Variants in C10orf67 observed in about 807,000 individuals in gnomAD.
C10orf67 encodes uncharacterized protein C10orf67, mitochondrial.
C10orf67 carries 60 observed loss-of-function variants against 35.6 expected under a neutral mutation model. The ratio of observed to expected loss-of-function variants is 1.68; its 90% CI spans 1.37 to 2.09. The LOEUF is 2.09. Ranked by LOEUF, C10orf67 falls within the 30% of genes most tolerant of loss-of-function variation. The pLI, the probability that C10orf67 is intolerant of heterozygous loss-of-function variation, is 0.00. For missense variants in C10orf67, 474 were observed against 330.2 expected (o/e 1.44, Z -3.38); for synonymous variants, 167 against 115.8 (o/e 1.44, Z -2.84).
At chr10:23,211,138 A>G (rs973041025) in intron 15 of C10orf67, among the ~76,000 whole-genome samples, 1 of 152,072 alleles carries the variant, frequency 6.6e-6, no homozygotes, top group Non-Finnish European at 1.5e-5. Context: ...AAGGTGTCTG[A>G]AATTTGTAGG....
At chr10:23,271,870 T>C (rs1436898693) in intron 8 of C10orf67, among the ~76,000 whole-genome samples, 1 of 152,228 alleles carries the variant, frequency 6.6e-6, no homozygotes, top group Non-Finnish European at 1.5e-5. Flanking sequence ...CTGTGGTTTG[T>C]TTTTTCATTA....
intron 8 of C10orf67, among the ~76,000 whole-genome samples, chr10:23,269,734 T>C (rs1324936189): frequency 6.6e-6 from 1 of 151,684 alleles, no homozygotes; most frequent in African/African-American, 2.4e-5. Flanking sequence ...CTGGAGAAAA[T>C]GCATTTATAT....
chr10:23,317,357 C>G (rs1380596595), intron 4 of C10orf67: 2 of 152,278 alleles, frequency 1.3e-5, no homozygotes, highest in African/African-American at 4.8e-5. Flanking sequence ...GCTTCCTAGG[C>G]CCCCAAGAGC....
rs1844990473 is a variant in C10orf67 at position 23,322,382 on chromosome 10, G to A, written c.471+12C>T. 2 of 1,605,910 alleles carry A rather than the reference G, an allele frequency of 1.2e-6. No individual in the cohort carries two copies. The highest frequency in any genetic ancestry group is 1.7e-6 in the Non-Finnish European group (2 of 1,174,092). On this transcript the variant is annotated intron_variant, in intron 3 of 15. Coordinates refer to ENST00000636213, the MANE Select transcript of C10orf67 (RefSeq NM_001371909.1). ...AATCCACATAAAACAAAAGAAATAA[G>A]AGAACATTTACCTGTTGATAATGCT...
Position 23,236,024 on chromosome 10 carries a change from G to A in C10orf67, c.1434+3705C>T, listed in dbSNP as rs193154219. On this transcript the variant is annotated intron_variant, in intron 13 of 15. Transcript: ENST00000636213. ...AGCACTTTGGGAGGCCGAGGCGGGC[G>A]GATCACAAGGTCAGGAGATCGAGAC... Among the ~76,000 whole-genome samples the A allele has an allele frequency of 7.9e-5, 12 of 151,928 alleles. No individual in the cohort carries two copies. In the South Asian group the frequency reaches 8.3e-4, roughly 11 times the overall value.
intron 2 of C10orf67, among the ~76,000 whole-genome samples, chr10:23,328,905 AG>A (rs1273295674): frequency 6.8e-6 from 1 of 148,086 alleles, no homozygotes; most frequent in East Asian, 2.1e-4. Context: ...GGATCACTTG[AG>A]CCCAGGAGGT....
At chr10:23,256,779 G>A (rs1172333938) in intron 10 of C10orf67, among the ~76,000 whole-genome samples, 3 of 152,212 alleles carry the variant, frequency 2.0e-5, no homozygotes, top group Middle Eastern at 6.8e-3. Context: ...CAGACTTGAG[G>A]AGGGGATCAG....
At chr10:23,270,523 A>T (rs942372923) in intron 8 of C10orf67, among the ~76,000 whole-genome samples, 1 of 152,216 alleles carries the variant, frequency 6.6e-6, no homozygotes, top group African/African-American at 2.4e-5. Context: ...GCAAGGTGGC[A>T]GATCTGTCTG....
chr10:23,326,078 A>G (rs1845182240), intron 2 of C10orf67, among the ~76,000 whole-genome samples: 1 of 152,156 alleles, frequency 6.6e-6, no homozygotes, highest in Non-Finnish European at 1.5e-5. Context: ...TCTAACATAC[A>G]AGTAATTGGA....
At chr10:23,277,110 G>A (rs1357380900) in intron 8 of C10orf67, among the ~76,000 whole-genome samples, 1 of 152,138 alleles carries the variant, frequency 6.6e-6, no homozygotes, top group Non-Finnish European at 1.5e-5. Flanking sequence ...ATAATACTAA[G>A]AGATCTGTAA....
intron 4 of C10orf67, chr10:23,318,500 C>G (rs534678963): frequency 1.7e-5 from 3 of 175,208 alleles, no homozygotes; most frequent in Non-Finnish European, 3.6e-5. Flanking sequence ...ACTTAAAAGT[C>G]ACGCAGCTTC....
At chr10:23,314,522 A>G (rs960552843) in intron 4 of C10orf67, among the ~76,000 whole-genome samples, 2 of 151,258 alleles carry the variant, frequency 1.3e-5, no homozygotes, top group Non-Finnish European at 2.9e-5. Context: ...ACACACACAC[A>G]CACACAAACT....
At chr10:23,272,127 C>T (rs568623464) in intron 8 of C10orf67, among the ~76,000 whole-genome samples, 3 of 152,302 alleles carry the variant, frequency 2.0e-5, no homozygotes, top group South Asian at 2.1e-4. Context: ...ATGTTGCCCA[C>T]GCTGGTCTTG....
chr10:23,275,740 T>C (rs1039271420), intron 8 of C10orf67, among the ~76,000 whole-genome samples: 1 of 152,204 alleles, frequency 6.6e-6, no homozygotes, highest in African/African-American at 2.4e-5. Context: ...TGTTTGACTT[T>C]TGACCAGGTA....
At chr10:23,261,124 G>A (rs1421243245) in intron 10 of C10orf67, among the ~76,000 whole-genome samples, 1 of 152,088 alleles carries the variant, frequency 6.6e-6, no homozygotes, top group African/African-American at 2.4e-5. Flanking sequence ...GTGCTTCATG[G>A]TATTAGGTGT....
At chr10:23,340,525 ATTC>A (rs1845845812) in intron 1 of C10orf67, among the ~76,000 whole-genome samples, 1 of 152,108 alleles carries the variant, frequency 6.6e-6, no homozygotes, top group South Asian at 2.1e-4. Context: ...GAAATGGCAG[ATTC>A]TTCTTCTAAC....
rs534167896 is a variant in C10orf67 at position 23,224,519 on chromosome 10, C to T, written c.1435-701G>A. ...GCTCCTCGCCAGCAATGGAACAAAG[C>T]GGGACGGAGAATGACTTTGACGAGT... On this transcript the variant is annotated intron_variant, in intron 13 of 15. Transcript: ENST00000636213. Among the ~76,000 whole-genome samples the T allele has an allele frequency of 8.5e-5, 13 of 152,266 alleles. No individual in the cohort carries two copies. The East Asian group carries it at 1.4e-3, about 16-fold the overall frequency.
chr10:23,292,371 T>C (rs1216999565), intron 5 of C10orf67, among the ~76,000 whole-genome samples: 2 of 152,098 alleles, frequency 1.3e-5, no homozygotes, highest in Non-Finnish European at 2.9e-5. Flanking sequence ...AATATTATTA[T>C]GCCAAAGGAG....
chr10:23,235,968 G>T lies in C10orf67; in HGVS notation c.1434+3761C>A, dbSNP rs192741091. Among the ~76,000 whole-genome samples the T allele has an allele frequency of 4.5e-3, 685 of 152,096 alleles. 2 individuals carry two copies. Among genetic ancestry groups the T allele is most frequent in the Non-Finnish European group, 7.3e-3 (496 of 67,998 alleles). On this transcript the variant is annotated intron_variant, in intron 13 of 15. Coordinates refer to ENST00000636213, the MANE Select transcript of C10orf67 (RefSeq NM_001371909.1). Reference sequence around the variant, plus strand: ...GTCTCCACCAAAAATACAAAAATTGGCTGGGCATGGTGGCTCAAGCCTGTA... The same window carrying T: ...GTCTCCACCAAAAATACAAAAATTGTCTGGGCATGGTGGCTCAAGCCTGTA...
Sources: gnomAD v4.1 joint callset for allele counts (sites outside exome capture counted in the v4.1 genomes callset) on GRCh38, gnomAD v4.1.1 for gene constraint, MANE v1.5 for transcripts, NCBI Gene and HGNC (gene_info 2026-07-23, HGNC 2026-07-21) for gene names.